Variants in MTSS2 observed in about 807,000 individuals in gnomAD.
MTSS2 encodes protein MTSS 2.
MTSS2 carries 27 observed loss-of-function variants against 67.1 expected under a neutral mutation model. That is an observed-to-expected ratio of 0.40 (90% CI 0.30 to 0.55). The LOEUF (loss-of-function observed/expected upper bound fraction) is 0.55. Among genes scored for constraint, MTSS2 ranks in the 20% least tolerant of loss-of-function variants. MTSS2 has a pLI of 0.43. For missense variants in MTSS2, 1,171 were observed against 1,067.8 expected (o/e 1.10, Z -1.35); for synonymous variants, 624 against 468.6 (o/e 1.33, Z -4.28).
intron 10 of MTSS2, 26 bp downstream of exon 10, chr16:70,676,855 C>T (rs1025077686): frequency 1.9e-6 from 3 of 1,603,448 alleles, no homozygotes; most frequent in Non-Finnish European, 1.7e-6. Flanking sequence ...GCCCCCCACA[C>T]CCCTGGGAAC....
chr16:70,673,916 G>A (rs2053023298), intron 11 of MTSS2, among the ~76,000 whole-genome samples: 1 of 151,858 alleles, frequency 6.6e-6, no homozygotes, highest in South Asian at 2.1e-4. Flanking sequence ...CGGGGAATAA[G>A]AGAAAAGAAA....
intron 11 of MTSS2, among the ~76,000 whole-genome samples, chr16:70,672,781 G>C (rs2052986517): frequency 6.6e-6 from 1 of 151,920 alleles, no homozygotes; most frequent in Non-Finnish European, 1.5e-5. Context: ...TGAGCTCAGA[G>C]ATGCCTAAGA....
Position 70,685,752 on chromosome 16 carries a change from G to C in MTSS2, c.40C>G (p.Leu14Val), listed in dbSNP as rs1473353433. Reference protein sequence around the residue: ...AEKECGALGGLFQAIVNDMKS... With the variant: ...AEKECGALGGVFQAIVNDMKS... ...ATGTCGTTGACTATGGCCTGGAAGA[G>C]CCCGCCCAGGGCGCCGCACTCCTTC... The change falls in exon 1 of 15, where the codon CTC becomes GTC. Residue 14 changes from leucine to valine, a missense_variant. Transcript: ENST00000338779. 7.2e-7 allele frequency: 1 copy of C among 1,392,060 alleles called. No homozygotes were observed. The highest frequency in any genetic ancestry group is 2.1e-5 in the Admixed American group (1 of 47,750). 86.2% of individuals were successfully genotyped at this position (1,392,060 alleles called of 1,614,324 possible).
At position 70,663,382 on chromosome 16, in the gene MTSS2, G is replaced by A. The variant is rs2052564462; in HGVS notation, c.*295C>T. The A allele has an allele frequency of 4.5e-6, 2 of 443,510 alleles. No homozygotes were observed. Among genetic ancestry groups the A allele is most frequent in the Non-Finnish European group, 7.9e-6 (2 of 254,322 alleles). The allele number at this position is 443,510 out of a possible 1,614,324, so 27.5% of individuals were successfully genotyped here. On this transcript the variant is annotated 3_prime_UTR_variant, in exon 15 of 15. Transcript: ENST00000338779. ...CATGGGCAGCGGCCCTGGCTCTGGTGCTTATGGGTAGGGAAGAGGCAGGGC... is the reference window on the plus strand; with the variant it reads ...CATGGGCAGCGGCCCTGGCTCTGGTACTTATGGGTAGGGAAGAGGCAGGGC...
intron 10 of MTSS2, among the ~76,000 whole-genome samples, chr16:70,675,192 G>A (rs1230174216): frequency 6.6e-6 from 1 of 151,972 alleles, no homozygotes; most frequent in African/African-American, 2.4e-5. Context: ...GGAGTCTGAG[G>A]TGGGTGGATT....
Position 70,664,194 on chromosome 16 carries a change from C to T in MTSS2, c.1727G>A (p.Arg576His), listed in dbSNP as rs755342439. 8.1e-6 allele frequency: 13 copies of T among 1,597,138 alleles called. No homozygotes were observed. The highest frequency in any genetic ancestry group is 7.7e-6 in the Non-Finnish European group (9 of 1,175,900). The change falls in exon 15 of 15, where the codon CGC (arginine) becomes CAC (histidine). Residue 576 changes from arginine (R) to histidine (H), a missense_variant. Transcript: ENST00000338779. Reference sequence around the variant, plus strand: ...GATGGGGCCAGCGCTGGACAGGGCGCGGCGCACGGTGGGCTTGGTGGAGGG... The same window carrying T: ...GATGGGGCCAGCGCTGGACAGGGCGTGGCGCACGGTGGGCTTGGTGGAGGG... ...RTPSTKPTVRRALSSAGPIPI... is the reference protein window; with the variant it reads ...RTPSTKPTVRHALSSAGPIPI...
intron 12 of MTSS2, 145 bp from the exon 13 acceptor site, chr16:70,665,241 G>T: frequency 1.9e-6 from 2 of 1,030,490 alleles, no homozygotes; most frequent in Non-Finnish European, 2.8e-6. Context: ...AGAGCATGGA[G>T]TGTGACTGTG....
In MTSS2 at chr16:70,676,955, C is replaced by T. The variant is rs59984573; in HGVS notation, c.756G>A (p.Ser252=). 0.077 allele frequency: 123,592 copies of T among 1,613,244 alleles called. 5,170 individuals carry two copies. The highest frequency in any genetic ancestry group is 0.1 in the East Asian group (4,590 of 44,840). The change falls in exon 10 of 15, where the codon TCG becomes TCA. Residue 252 remains serine (S), a synonymous_variant. Coordinates refer to ENST00000338779, the MANE Select transcript of MTSS2 (RefSeq NM_138383.3). The part of the protein sequence containing the change: ...SEQVIKDLKG[S]DYSWSYQTPP... ...GGGTCTGGTAGGACCAGCTGTAGTC[C>T]GAGCCCTTTAGGTCTTTGATTACCT... is the stretch of plus-strand genomic sequence containing the variant.
intron 11 of MTSS2, among the ~76,000 whole-genome samples, chr16:70,673,441 C>G (rs2053008112): frequency 6.6e-6 from 1 of 152,060 alleles, no homozygotes; most frequent in Non-Finnish European, 1.5e-5. Context: ...AACTGTCACC[C>G]CAGAATAGTG....
At chr16:70,678,875 A>C (rs901221675) in intron 7 of MTSS2, among the ~76,000 whole-genome samples, 1 of 152,180 alleles carries the variant, frequency 6.6e-6, no homozygotes, top group Non-Finnish European at 1.5e-5. Flanking sequence ...CCTTGGAGGC[A>C]GGGAAGGGGT....
At position 70,664,929 on chromosome 16, in the gene MTSS2, G is replaced by A. The variant is rs1355099569; in HGVS notation, c.1296C>T (p.Ile432=). ...APRPRMSPAT[I]AAKHGEEVSP... is the part of the protein sequence containing the mutation. ...GCCCTGGCCAGCCTACCTTGGCTGC[G>A]ATGGTGGCAGGGGACATCCGGGGTC... Residue 432 remains isoleucine (I), a synonymous_variant, in exon 13 of 15, where the codon ATC becomes ATT. Transcript: ENST00000338779. 13 of 1,550,568 alleles carry A rather than the reference G, an allele frequency of 8.4e-6. No individual in the cohort carries two copies. Among genetic ancestry groups the A allele is most frequent in the Admixed American group, 3.9e-5 (2 of 51,738 alleles).
chr16:70,669,292 T>C (rs2052837156), intron 11 of MTSS2, among the ~76,000 whole-genome samples: 1 of 152,206 alleles, frequency 6.6e-6, no homozygotes, highest in African/African-American at 2.4e-5. Flanking sequence ...AAAAGTTCTA[T>C]AAATTGGTAA....
At chr16:70,666,066 G>C (rs2052703902) in intron 11 of MTSS2, among the ~76,000 whole-genome samples, 1 of 152,196 alleles carries the variant, frequency 6.6e-6, no homozygotes, top group Non-Finnish European at 1.5e-5. Flanking sequence ...AGTGGTCTTG[G>C]GGTGGGATGA....
chr16:70,679,303 C>T lies in MTSS2; in HGVS notation c.466+12G>A, dbSNP rs779928196. 21 of 1,613,890 alleles carry T rather than the reference C, an allele frequency of 1.3e-5. No homozygotes were observed. The East Asian group carries it at 4.5e-4, about 34-fold the overall frequency. ...CGGGAGGAGCAGCTGGAGGGACCGA[C>T]ATTTGACTTACCAAGTAGCTCTACA... On this transcript the variant is annotated intron_variant, in intron 7 of 14. Transcript: ENST00000338779.
At chr16:70,665,406 G>A in intron 12 of MTSS2, 60 bp downstream of exon 12, 1 of 1,485,412 alleles carries the variant, frequency 6.7e-7, no homozygotes, top group South Asian at 1.2e-5. Flanking sequence ...ACCAGGTGGG[G>A]AGGGCATGGA....
At chr16:70,665,640 G>A (rs2052686510) in intron 11 of MTSS2, 100 bp from the exon 12 acceptor site, 1 of 1,042,136 alleles carries the variant, frequency 9.6e-7, no homozygotes, top group Non-Finnish European at 1.4e-6. Flanking sequence ...GGCATGCAGG[G>A]GGGCGGTTCA....
chr16:70,666,661 A>G (rs1444197708), intron 11 of MTSS2, among the ~76,000 whole-genome samples: 1 of 152,242 alleles, frequency 6.6e-6, no homozygotes, highest in Admixed American at 6.5e-5. Context: ...GAAACCAGGC[A>G]CCACCTGTGA....
rs781378687 is a variant in MTSS2, at chr16:70,685,689, C to T, written c.69+34G>A. 2.2e-5 allele frequency: 27 copies of T among 1,249,150 alleles called. 1 individual carries two copies. In the South Asian group the frequency reaches 5.0e-4, roughly 23 times the overall value. 77.4% of individuals were successfully genotyped at this position (1,249,150 alleles called of 1,614,324 possible). A position where few individuals can be genotyped will look rare whatever the true frequency, so the allele number is the denominator to read the frequency against. The stretch of plus-strand genomic sequence containing the variant: ...CGTCCCCGGGGGGTCCCGCACCCGT[C>T]GCCGCGCGCCCGGCCCCGCCGCGCC... On this transcript the variant is annotated intron_variant, in intron 1 of 14. Transcript: ENST00000338779.
At position 70,664,344 on chromosome 16, in the gene MTSS2, T is replaced by A; in HGVS notation, c.1577A>T (p.Asn526Ile). The A allele has an allele frequency of 6.3e-7, 1 of 1,597,998 alleles. No individual in the cohort carries two copies. Among genetic ancestry groups the A allele is most frequent in the South Asian group, 1.1e-5 (1 of 88,490 alleles). The change falls in exon 15 of 15, where the codon AAC (asparagine) becomes ATC (isoleucine). Residue 526 changes from asparagine to isoleucine, a missense_variant. This residue lies in a region of MTSS2 where 924 missense variants were observed against 756.0 expected (regional missense o/e 1.22). Coordinates refer to ENST00000338779, the MANE Select transcript of MTSS2 (RefSeq NM_138383.3). ...TIPRNSNIAQ[N>I]YRRLIQTKRP... ...CTTGGTCTGGATCAGGCGGCGGTAG[T>A]TCTGGGCGATGTTGCTGTTGCGCGG...
Sources: allele counts gnomAD v4.1 joint callset (sites outside exome capture counted in the v4.1 genomes callset), GRCh38; gene constraint gnomAD v4.1.1; regional missense constraint gnomAD v4.1.1; transcripts MANE v1.5; gene names NCBI Gene and HGNC (gene_info 2026-07-23, HGNC 2026-07-21).